SKAP1: variants seen among roughly 807,000 people sequenced by gnomAD.
The protein encoded by SKAP1 is src kinase associated phosphoprotein 1, also known as src kinase-associated phosphoprotein 1.
A neutral mutation model predicts 58.5 loss-of-function variants in SKAP1; 44 were observed. The ratio of observed to expected loss-of-function variants is 0.75; its 90% CI spans 0.59 to 0.97. The LOEUF is 0.97. Ranked by LOEUF, SKAP1 falls within the 50% of genes least tolerant of loss-of-function variation. The probability of loss-of-function intolerance (pLI) is 0.00; values close to 1 mark genes in which losing one functional copy is unlikely to be tolerated. For missense variants in SKAP1, 390 were observed against 435.2 expected, an observed-to-expected ratio of 0.90 and a Z score of 0.92; for synonymous variants, 127 against 149.7, an observed-to-expected ratio of 0.85 and a Z score of 1.11.
intron 1 of SKAP1, among the ~76,000 whole-genome samples, chr17:48,406,442 C>CA (rs1204609102): frequency 8.7e-5 from 13 of 149,238 alleles, no homozygotes; most frequent in African/African-American, 3.0e-4. Flanking sequence ...CTTGCCTTGT[C>CA]ACCCAGGCTG....
chr17:48,431,612 A>G (rs2067916671), upstream of SKAP1, among the ~76,000 whole-genome samples: 1 of 152,174 alleles, frequency 6.6e-6, no homozygotes, highest in Non-Finnish European at 1.5e-5. Context: ...GGCACTGGGG[A>G]GCCATTGACA....
chr17:48,371,071 TA>T, intron 2 of SKAP1, among the ~76,000 whole-genome samples: 1 of 152,268 alleles, frequency 6.6e-6, no homozygotes, highest in African/African-American at 2.4e-5. Flanking sequence ...AAGCGGGAGC[TA>T]AACATTAGGT....
At chr17:48,355,931 T>C (rs1247119311) in intron 3 of SKAP1, among the ~76,000 whole-genome samples, 4 of 152,096 alleles carry the variant, frequency 2.6e-5, no homozygotes, top group Non-Finnish European at 5.9e-5. Context: ...TTTTATACCA[T>C]CATCAGGGCC....
chr17:48,321,841 G>GT lies in SKAP1; in HGVS notation c.280+24063dup, dbSNP rs1359374180. Among the ~76,000 whole-genome samples the GT allele has an allele frequency of 2.0e-5, 3 of 152,020 alleles. No homozygotes were observed. The East Asian group carries it at 5.8e-4, about 29-fold the overall frequency. On this transcript the variant is annotated intron_variant, in intron 4 of 12. Transcript: ENST00000336915. ...CCTCCCAAAATATGAACCTGACTAA[G>GT]TCAATCTGTGATTTTTTAAAAAATA...
At chr17:48,149,861 G>C (rs1247979504) in intron 11 of SKAP1, among the ~76,000 whole-genome samples, 1 of 151,976 alleles carries the variant, frequency 6.6e-6, no homozygotes, top group East Asian at 1.9e-4. Context: ...CATTTTTCAC[G>C]GACAAACTTC....
intron 1 of SKAP1, among the ~76,000 whole-genome samples, chr17:48,403,040 T>A (rs556771976): frequency 4.6e-5 from 7 of 152,282 alleles, no homozygotes; most frequent in African/African-American, 1.7e-4. Context: ...ATGCTTTAAA[T>A]GTGTGAGTTG....
At chr17:48,439,252 T>C in the SKAP1 span, among the ~76,000 whole-genome samples, 1 of 152,238 alleles carries the variant, frequency 6.6e-6, no homozygotes, top group Non-Finnish European at 1.5e-5. Flanking sequence ...AGACTATTGA[T>C]GCAGAATTTC....
At chr17:48,405,392 CCTTTCTTTCTTTCTTT>C (rs376278484) in intron 1 of SKAP1, among the ~76,000 whole-genome samples, 1,472 of 107,360 alleles carry the variant, frequency 0.014, 23 homozygotes, top group South Asian at 0.042. Flanking sequence ...TTTTCTCTTT[CCTTTCTTTCTTTCTTT>C]CTTTCTTTCT....
chr17:48,218,093 G>C (rs923374936), intron 4 of SKAP1, among the ~76,000 whole-genome samples: 1 of 152,184 alleles, frequency 6.6e-6, no homozygotes, highest in Non-Finnish European at 1.5e-5. Context: ...ATCAGATTTG[G>C]TGCAGGGCAC....
At chr17:48,244,734 A>T (rs1194479147) in intron 4 of SKAP1, among the ~76,000 whole-genome samples, 1 of 152,238 alleles carries the variant, frequency 6.6e-6, no homozygotes, top group Admixed American at 6.5e-5. Flanking sequence ...CAAACTGCCT[A>T]GCAAAAAGCA....
intron 1 of SKAP1, among the ~76,000 whole-genome samples, chr17:48,427,394 A>T (rs937796496): frequency 6.6e-6 from 1 of 152,174 alleles, no homozygotes; most frequent in Middle Eastern, 3.2e-3. Flanking sequence ...CATCACCCTG[A>T]GTCTCCCAAC....
At chr17:48,293,333 A>G (rs2065922431) in intron 4 of SKAP1, among the ~76,000 whole-genome samples, 1 of 152,222 alleles carries the variant, frequency 6.6e-6, no homozygotes, top group African/African-American at 2.4e-5. Context: ...GGTCTTCAGA[A>G]CTATGTGTGG....
intron 1 of SKAP1, among the ~76,000 whole-genome samples, chr17:48,423,659 A>G (rs1000447142): frequency 2.0e-5 from 3 of 152,222 alleles, no homozygotes; most frequent in Admixed American, 6.5e-5. Context: ...TATGGTCAAC[A>G]GCACAGTGTT....
At chr17:48,338,205 A>T (rs753665778) in intron 4 of SKAP1, among the ~76,000 whole-genome samples, 1 of 147,582 alleles carries the variant, frequency 6.8e-6, no homozygotes, top group Non-Finnish European at 1.5e-5. Context: ...GCTGGAGTGC[A>T]GTGGCACAAT....
chr17:48,275,285 T>A (rs2065684953), intron 4 of SKAP1, among the ~76,000 whole-genome samples: 1 of 152,216 alleles, frequency 6.6e-6, no homozygotes, highest in African/African-American at 2.4e-5. Flanking sequence ...TTATTCTCTC[T>A]GATCTCCCTG....
At chr17:48,396,872 A>G (rs1490467940) in intron 1 of SKAP1, 87 bp from the exon 2 acceptor site, 4 of 888,574 alleles carry the variant, frequency 4.5e-6, no homozygotes, top group Non-Finnish European at 7.3e-6. Flanking sequence ...GCACATGTAT[A>G]CATATGTAAC....
chr17:48,258,886 G>A (rs766160028), intron 4 of SKAP1, among the ~76,000 whole-genome samples: 2 of 152,072 alleles, frequency 1.3e-5, no homozygotes, highest in African/African-American at 4.8e-5. Flanking sequence ...TCATGAGAAA[G>A]AATAAAATAT....
At chr17:48,257,475 C>T (rs2065435897) in intron 4 of SKAP1, among the ~76,000 whole-genome samples, 1 of 152,072 alleles carries the variant, frequency 6.6e-6, no homozygotes, top group African/African-American at 2.4e-5. Flanking sequence ...CAGATGGTCA[C>T]AGACTTAAGA....
intron 1 of SKAP1, among the ~76,000 whole-genome samples, chr17:48,428,034 T>A (rs373845380): frequency 1.3e-5 from 2 of 152,356 alleles, no homozygotes; most frequent in South Asian, 4.1e-4. Flanking sequence ...AGCGACTGTG[T>A]TCCAAAAGAA....
Sources: allele counts gnomAD v4.1 joint callset (sites outside exome capture counted in the v4.1 genomes callset), GRCh38; gene constraint gnomAD v4.1.1; transcripts MANE v1.5; gene names NCBI Gene and HGNC (gene_info 2026-07-23, HGNC 2026-07-21).